Variants in HDGFL2 observed in about 807,000 individuals in gnomAD.
The protein encoded by HDGFL2 is hepatoma-derived growth factor-related protein 2.
HDGFL2 carries 36 observed loss-of-function variants against 77.1 expected under a neutral mutation model. The ratio of observed to expected loss-of-function variants is 0.47; its 90% CI spans 0.36 to 0.62. The LOEUF is 0.62. Among genes scored for constraint, HDGFL2 ranks in the 20% least tolerant of loss-of-function variants. The pLI is 0.00. For synonymous variants in HDGFL2, 463 were observed against 413.1 expected (o/e 1.12, Z -1.46); for missense variants, 976 against 973.4 (o/e 1.00, Z -0.04).
At chr19:4,496,501 T>G in intron 10 of HDGFL2, 96 bp downstream of exon 10, 1 of 939,226 alleles carries the variant, frequency 1.1e-6, no homozygotes, top group Admixed American at 2.1e-5. Flanking sequence ...ACCTCTGAGT[T>G]CAGCCTTGGA....
At position 4,497,080 on chromosome 19, in the gene HDGFL2, G is replaced by A. The variant is rs1214412207; in HGVS notation, c.1328+675G>A. ...AGTAGACACGGGGTTTCATCATGTT[G>A]GCCAGGCTGGTCTCGATCTCCTGAC... On this transcript the variant is annotated intron_variant, in intron 10 of 15. Transcript: ENST00000616600. The A allele has an allele frequency of 9.5e-6, 4 of 420,530 alleles. No individual in the cohort carries two copies. In the East Asian group the frequency reaches 2.9e-4, roughly 30 times the overall value. The allele number at this position is 420,530 out of a possible 1,614,324, so 26.0% of individuals were successfully genotyped here.
At position 4,494,010 on chromosome 19, in the gene HDGFL2, G is replaced by A. The variant is rs759004142; in HGVS notation, c.867G>A (p.Gly289=). ...AGAAGCCTCTCCCGAAGCCGCGAGG[G>A]CGGAAACCGAAGCCTGAACGGCCTC... ...PAEKPLPKPR[G]RKPKPERPPS... Residue 289 remains glycine, a synonymous_variant, in exon 8 of 16, where the codon GGG becomes GGA. Transcript: ENST00000616600. 9.9e-6 allele frequency: 16 copies of A among 1,611,742 alleles called. No individual in the cohort carries two copies. The highest frequency in any genetic ancestry group is 1.4e-5 in the Non-Finnish European group (16 of 1,179,436).
chr19:4,499,849 C>A (rs1455737528), intron 14 of HDGFL2, 145 bp downstream of exon 14: 4 of 701,504 alleles, frequency 5.7e-6, no homozygotes, highest in Non-Finnish European at 9.3e-6. Flanking sequence ...GGTCTCCGTG[C>A]AGACCCGGCT....
At chr19:4,499,345 C>A (rs901163272) in intron 13 of HDGFL2, 146 bp from the exon 14 acceptor site, 59 of 584,812 alleles carry the variant, frequency 1.0e-4, no homozygotes, top group African/African-American at 1.4e-4. Flanking sequence ...GACTCTGTCT[C>A]AAAAAAAAAA....
intron 3 of HDGFL2, among the ~76,000 whole-genome samples, chr19:4,484,833 A>G (rs932068619): frequency 6.6e-6 from 1 of 151,916 alleles, no homozygotes; most frequent in East Asian, 1.9e-4. Context: ...CACCATGCCC[A>G]GCTAATTTTT....
intron 3 of HDGFL2, among the ~76,000 whole-genome samples, chr19:4,477,777 G>C (rs563561079): frequency 2.0e-5 from 3 of 152,066 alleles, no homozygotes; most frequent in Non-Finnish European, 4.4e-5. Flanking sequence ...TAGATGGAAC[G>C]TGTGTTTAAG....
chr19:4,481,404 A>G (rs1226358517), intron 3 of HDGFL2, among the ~76,000 whole-genome samples: 1 of 151,892 alleles, frequency 6.6e-6, no homozygotes, highest in Non-Finnish European at 1.5e-5. Context: ...GTTAGCCAGG[A>G]TGGTCTCGAT....
chr19:4,494,615 G>C (rs1975653027), intron 9 of HDGFL2, 140 bp downstream of exon 9: 1 of 601,152 alleles, frequency 1.7e-6, no homozygotes, highest in Non-Finnish European at 2.5e-6. Context: ...CCCTGGAGGA[G>C]GGGACATTCA....
intron 3 of HDGFL2, among the ~76,000 whole-genome samples, chr19:4,478,601 A>G (rs187499537): frequency 2.8e-4 from 43 of 152,068 alleles, no homozygotes; most frequent in African/African-American, 9.6e-4. Flanking sequence ...TAGGTGAAAC[A>G]TGGCAGCTTG....
chr19:4,493,739 G>A lies in HDGFL2; in HGVS notation c.715G>A (p.Asp239Asn), dbSNP rs1315362591. The change falls in exon 7 of 16, where the codon GAT becomes AAT. Residue 239 changes from aspartate to asparagine, a missense_variant. Transcript: ENST00000616600. ...AGCCTCCGACTCCGACTCCAAGGCC[G>A]ATTCGGACGGGGCCAAGCCTGAGCC... is the stretch of plus-strand genomic sequence containing the variant. ...PSASDSDSKADSDGAKPEPVA... is the reference protein window; with the variant it reads ...PSASDSDSKANSDGAKPEPVA... 3 of 1,516,054 alleles carry A rather than the reference G, an allele frequency of 2.0e-6. No individual in the cohort carries two copies. Among genetic ancestry groups the A allele is most frequent in the African/African-American group, 1.4e-5 (1 of 71,816 alleles). 93.9% of individuals were successfully genotyped at this position (1,516,054 alleles called of 1,614,324 possible). A position where few individuals can be genotyped will look rare whatever the true frequency, so the allele number is the denominator to read the frequency against.
Position 4,472,371 on chromosome 19 carries a change from CG to C in HDGFL2, c.25del (p.Asp9ThrfsTer7). 7.0e-7 allele frequency: 1 copy of C among 1,428,868 alleles called. No homozygotes were observed. The highest frequency in any genetic ancestry group is 9.3e-7 in the Non-Finnish European group (1 of 1,076,466). The allele number at this position is 1,428,868 out of a possible 1,614,324, so 88.5% of individuals were successfully genotyped here. Reference protein sequence around the residue: MPHAFKPGDLVFAKMKGY... With the variant: MPHAFKPXDLVFAKMKGY... ...TCAGCATGCCACACGCCTTCAAGCC[CG>C]GGGACTTGGTGTTCGCTAAGATGAA... On this transcript the variant is annotated frameshift_variant, in exon 1 of 16. Coordinates refer to ENST00000616600, the MANE Select transcript of HDGFL2 (RefSeq NM_001001520.3). LOFTEE classifies it high-confidence loss of function.
At chr19:4,497,360 G>T in intron 10 of HDGFL2, 1 of 329,254 alleles carries the variant, frequency 3.0e-6, no homozygotes, top group Admixed American at 4.3e-5. Flanking sequence ...ACCACACCCG[G>T]CTAATTTTTT....
chr19:4,487,121 C>A (rs754913111), intron 3 of HDGFL2, among the ~76,000 whole-genome samples: 18 of 152,098 alleles, frequency 1.2e-4, no homozygotes, highest in Admixed American at 4.6e-4. Flanking sequence ...CCCGCCACCA[C>A]GCCTGGCTAA....
chr19:4,500,996 G>T (rs1975858287), intron 14 of HDGFL2, among the ~76,000 whole-genome samples, 195 bp from the exon 15 acceptor site: 2 of 152,352 alleles, frequency 1.3e-5, no homozygotes, highest in South Asian at 4.1e-4. Flanking sequence ...GGCCAGTGTG[G>T]CTCGGGCTGG....
In HDGFL2 at chr19:4,488,776, C is replaced by T. The variant is rs998272539; in HGVS notation, c.389C>T (p.Ala130Val). The change falls in exon 4 of 16, where the codon GCG (alanine) becomes GTG (valine). Residue 130 changes from alanine to valine, a missense_variant. This residue lies in a region of HDGFL2 where 567 missense variants were observed against 534.7 expected (regional missense o/e 1.06). Coordinates refer to ENST00000616600, the MANE Select transcript of HDGFL2 (RefSeq NM_001001520.3). ...GACCGGGGGGTCATGGCCGTCACAG[C>T]GGTAACCGCCACAGCTGCCAGCGAC... Reference protein sequence around the residue: ...DEDRGVMAVTAVTATAASDRM... With the variant: ...DEDRGVMAVTVVTATAASDRM... The T allele has an allele frequency of 4.5e-6, 7 of 1,551,900 alleles. No individual in the cohort carries two copies. Among genetic ancestry groups the T allele is most frequent in the African/African-American group, 1.4e-5 (1 of 73,100 alleles).
intron 4 of HDGFL2, among the ~76,000 whole-genome samples, chr19:4,490,115 T>C (rs1443172921): frequency 1.3e-5 from 2 of 152,148 alleles, no homozygotes; most frequent in African/African-American, 2.4e-5. Flanking sequence ...TGAGACGGAC[T>C]CTAGTTCTGT....
Position 4,502,087 on chromosome 19 carries a change from C to CAGAGA in HDGFL2, c.*79_*83dup. The CAGAGA allele has an allele frequency of 9.6e-7, 1 of 1,037,888 alleles. No homozygotes were observed. The highest frequency in any genetic ancestry group is 1.4e-5 in the South Asian group (1 of 74,064). 64.3% of individuals were successfully genotyped at this position (1,037,888 alleles called of 1,614,324 possible). On this transcript the variant is annotated 3_prime_UTR_variant, in exon 16 of 16. Transcript: ENST00000616600. Reference sequence around the variant, plus strand: ...TTCCCCGGCTCGCAGGAGAGCAGAGCAGAGAACTGTGGGGAACGCTGTGCT... The same window carrying CAGAGA: ...TTCCCCGGCTCGCAGGAGAGCAGAGCAGAGAAGAGAACTGTGGGGAACGCTGTGCT...
In HDGFL2 at chr19:4,501,954, C is replaced by T. The variant is rs540098055; in HGVS notation, c.1960C>T (p.Arg654Trp). 98 of 1,501,218 alleles carry T rather than the reference C, an allele frequency of 6.5e-5. No homozygotes were observed. Among genetic ancestry groups the T allele is most frequent in the Middle Eastern group, 2.2e-4 (1 of 4,508 alleles). The allele number at this position is 1,501,218 out of a possible 1,614,324, so 93.0% of individuals were successfully genotyped here. A position where few individuals can be genotyped will look rare whatever the true frequency, so the allele number is the denominator to read the frequency against. Reference protein sequence around the residue: ...GPDLDRPGSDRQERERARGDS... With the variant: ...GPDLDRPGSDWQERERARGDS... The stretch of plus-strand genomic sequence containing the variant: ...CGACCTGGACAGGCCTGGGAGCGAC[C>T]GGCAGGAGCGCGAGAGGGCACGGGG... The change falls in exon 16 of 16, where the codon CGG becomes TGG. Residue 654 changes from arginine to tryptophan, a missense_variant. Physicochemically the swap from Arg to Trp is moderately radical, Grantham distance 101 (BLOSUM62 -3). Transcript: ENST00000616600.
At chr19:4,478,351 C>T (rs1330195814) in intron 3 of HDGFL2, among the ~76,000 whole-genome samples, 1 of 151,386 alleles carries the variant, frequency 6.6e-6, no homozygotes, top group Non-Finnish European at 1.5e-5. Context: ...TATGGGCGCC[C>T]ACTACCATGC....
Sources: allele counts gnomAD v4.1 joint callset (sites outside exome capture counted in the v4.1 genomes callset), GRCh38; gene constraint gnomAD v4.1.1; regional missense constraint gnomAD v4.1.1; transcripts MANE v1.5; gene names NCBI Gene and HGNC (gene_info 2026-07-23, HGNC 2026-07-21).